PCMTD1: variants seen among roughly 807,000 people sequenced by gnomAD.
PCMTD1 encodes the protein protein-L-isoaspartate (D-aspartate) O-methyltransferase domain containing 1.
A neutral mutation model predicts 37.6 loss-of-function variants in PCMTD1; 12 were observed. The ratio of observed to expected loss-of-function variants is 0.32; its 90% confidence interval spans 0.20 to 0.52. PCMTD1 has a LOEUF of 0.52. PCMTD1 is among the 20% of genes least tolerant of loss of function. The pLI, the probability that PCMTD1 is intolerant of heterozygous loss-of-function variation, is 0.97. For synonymous variants in PCMTD1, 117 were observed against 135.8 expected, an observed-to-expected ratio of 0.86 and a Z score of 0.96; for missense variants, 235 against 421.3, an observed-to-expected ratio of 0.56 and a Z score of 3.87.
At chr8:51,892,027 A>C (rs1472352227) in intron 1 of PCMTD1, among the ~76,000 whole-genome samples, 1 of 152,162 alleles carries the variant, frequency 6.6e-6, no homozygotes, top group African/African-American at 2.4e-5. Context: ...CTGTTAAAAA[A>C]CCATTACCCC....
At chr8:51,847,558 C>T (rs747835150) in intron 2 of PCMTD1, among the ~76,000 whole-genome samples, 14 of 151,778 alleles carry the variant, frequency 9.2e-5, no homozygotes, top group Non-Finnish European at 1.8e-4. Context: ...ACTCAGGAGA[C>T]GGAGGTTGCA....
At chr8:51,844,482 T>C (rs760758220) in intron 3 of PCMTD1, among the ~76,000 whole-genome samples, 7 of 152,154 alleles carry the variant, frequency 4.6e-5, no homozygotes, top group Non-Finnish European at 8.8e-5. Context: ...ACACAAGACC[T>C]TGCCTTCACT....
At chr8:51,821,114 C>T (rs924172848) in intron 5 of PCMTD1, among the ~76,000 whole-genome samples, 4 of 152,140 alleles carry the variant, frequency 2.6e-5, no homozygotes, top group African/African-American at 9.7e-5. Flanking sequence ...TTCATAACAA[C>T]AGATGTGAGA....
chr8:51,833,488 G>C (rs1274187498), intron 4 of PCMTD1, 30 bp downstream of exon 4: 27 of 1,561,392 alleles, frequency 1.7e-5, no homozygotes, highest in Non-Finnish European at 2.3e-5. Context: ...TGCTTCCTAG[G>C]CCACTAAAGA....
chr8:51,879,014 G>A (rs1389663156), intron 1 of PCMTD1, among the ~76,000 whole-genome samples: 1 of 152,024 alleles, frequency 6.6e-6, no homozygotes, highest in South Asian at 2.1e-4. Flanking sequence ...TGATCCCAGC[G>A]ACTCGGAACT....
intron 1 of PCMTD1, among the ~76,000 whole-genome samples, chr8:51,864,053 A>G (rs2038514615): frequency 6.6e-6 from 1 of 152,198 alleles, no homozygotes; most frequent in Admixed American, 6.5e-5. Context: ...GCCTTAGGAC[A>G]CACACAGACT....
At chr8:51,838,845 C>T (rs559154546) in intron 3 of PCMTD1, among the ~76,000 whole-genome samples, 3 of 152,154 alleles carry the variant, frequency 2.0e-5, no homozygotes, top group African/African-American at 7.2e-5. Context: ...TATAAAATTA[C>T]ACACATAGGT....
chr8:51,858,998 G>A (rs2038432412), intron 2 of PCMTD1, among the ~76,000 whole-genome samples: 1 of 152,140 alleles, frequency 6.6e-6, no homozygotes, highest in African/African-American at 2.4e-5. Flanking sequence ...CTGGGACTAA[G>A]GTAATGAGTC....
At chr8:51,860,191 T>C (rs1437774625) in intron 2 of PCMTD1, among the ~76,000 whole-genome samples, 73 of 152,262 alleles carry the variant, frequency 4.8e-4, no homozygotes, top group Non-Finnish European at 8.8e-5. Context: ...TTAATAATTG[T>C]CTGTACTTCA....
chr8:51,830,484 G>T (rs72639734), intron 5 of PCMTD1, among the ~76,000 whole-genome samples: 2 of 152,118 alleles, frequency 1.3e-5, no homozygotes, highest in African/African-American at 4.8e-5. Context: ...AAGGGAAAAT[G>T]AATTCTTCTT....
chr8:51,841,481 TTAA>T (rs2038146248), intron 3 of PCMTD1, among the ~76,000 whole-genome samples: 2 of 152,208 alleles, frequency 1.3e-5, no homozygotes, highest in South Asian at 4.1e-4. Context: ...ATTGGCCTAA[TTAA>T]TGCTTTACGA....
Position 51,858,521 on chromosome 8 carries a change from T to C in PCMTD1, c.307+2324A>G, listed in dbSNP as rs985643772. On this transcript the variant is annotated intron_variant, in intron 2 of 5. Transcript: ENST00000522514. The stretch of plus-strand genomic sequence containing the variant: ...TGGATCCAGTTCTAAGTGATTTTTA[T>C]GGATGTATACCTTCCCCTCCATGAC... Among the ~76,000 whole-genome samples the C allele has an allele frequency of 2.6e-5, 4 of 152,234 alleles. No homozygotes were observed. In the East Asian group the frequency reaches 7.7e-4, roughly 29 times the overall value.
At chr8:51,892,901 C>T (rs2038954708) in intron 1 of PCMTD1, among the ~76,000 whole-genome samples, 1 of 152,128 alleles carries the variant, frequency 6.6e-6, no homozygotes, top group African/African-American at 2.4e-5. Flanking sequence ...TACTTCCCAT[C>T]CCAGGGGGGA....
intron 1 of PCMTD1, among the ~76,000 whole-genome samples, chr8:51,879,647 A>T (rs2038764406): frequency 6.6e-6 from 1 of 152,192 alleles, no homozygotes; most frequent in African/African-American, 2.4e-5. Flanking sequence ...AGCAAAATAA[A>T]ATAACCAATA....
chr8:51,885,854 T>C (rs1517305), intron 1 of PCMTD1, among the ~76,000 whole-genome samples: 104,592 of 152,154 alleles, frequency 0.69, 42,413 homozygotes, highest in Non-Finnish European at 0.9. Context: ...GAAGGTTATA[T>C]GTGTTTTGGA....
chr8:51,865,025 A>C (rs1162989546), intron 1 of PCMTD1, among the ~76,000 whole-genome samples: 1 of 152,176 alleles, frequency 6.6e-6, no homozygotes, highest in Non-Finnish European at 1.5e-5. Flanking sequence ...AAGATATCAC[A>C]GAAGTACAAA....
intron 1 of PCMTD1, among the ~76,000 whole-genome samples, chr8:51,888,091 T>G (rs1032247165): frequency 2.6e-5 from 4 of 152,202 alleles, no homozygotes; most frequent in Admixed American, 2.6e-4. Context: ...AAACTGTGCC[T>G]AAATATAAAC....
chr8:51,895,443 T>A (rs2129296683), intron 1 of PCMTD1, among the ~76,000 whole-genome samples: 1 of 152,334 alleles, frequency 6.6e-6, no homozygotes, highest in South Asian at 2.1e-4. Context: ...AAATTAGTTT[T>A]TAAACTCCAA....
intron 1 of PCMTD1, among the ~76,000 whole-genome samples, chr8:51,867,181 CA>C (rs1323465534): frequency 3.3e-5 from 5 of 151,828 alleles, no homozygotes; most frequent in African/African-American, 1.2e-4. Context: ...ATCAAAAAGA[CA>C]AAAGATAACA....
Sources: gnomAD v4.1 joint callset for allele counts (sites outside exome capture counted in the v4.1 genomes callset) on GRCh38, gnomAD v4.1.1 for gene constraint, MANE v1.5 for transcripts, NCBI Gene and HGNC (gene_info 2026-07-23, HGNC 2026-07-21) for gene names.